The following CNOT9 variants were observed in gnomAD, a reference collection of about 807,000 sequenced individuals.
CNOT9 encodes the protein RCD1 required for cell differentiation1 homolog.
A neutral mutation model predicts 37.4 loss-of-function variants in CNOT9; 8 were observed. The observed-to-expected ratio is 0.21, with a 90% CI of 0.13 to 0.39. The LOEUF (loss-of-function observed/expected upper bound fraction) is 0.39. Ranked by LOEUF, CNOT9 falls within the 10% of genes least tolerant of loss-of-function variation. The pLI is 1.00. For synonymous variants in CNOT9, 120 were observed against 137.6 expected (o/e 0.87, Z 0.90); for missense variants, 154 against 365.3 (o/e 0.42, Z 4.71).
chr2:218,585,333 A>G (rs571555221), intron 4 of CNOT9, among the ~76,000 whole-genome samples: 219 of 152,274 alleles, frequency 1.4e-3, no homozygotes, highest in African/African-American at 5.1e-3. Context: ...TAATTCTCCC[A>G]TAACTCCAGG....
chr2:218,581,399 T>A (rs1192656698), intron 2 of CNOT9, among the ~76,000 whole-genome samples: 1 of 151,708 alleles, frequency 6.6e-6, no homozygotes, highest in East Asian at 1.9e-4. Flanking sequence ...CTTGAACTCC[T>A]GACCTCGTGA....
chr2:218,591,748 AAAAAAAGAAAAG>A (rs1694782962), intron 5 of CNOT9, among the ~76,000 whole-genome samples: 1 of 152,090 alleles, frequency 6.6e-6, no homozygotes, highest in African/African-American at 2.4e-5. Flanking sequence ...ATCTAAAAAA[AAAAAAAGAAAAG>A]AAAAAAGAAA....
intron 1 of CNOT9, among the ~76,000 whole-genome samples, chr2:218,570,068 G>A (rs1030521155): frequency 2.6e-5 from 4 of 152,066 alleles, no homozygotes; most frequent in Admixed American, 6.6e-5. Context: ...TGGTTTCCCC[G>A]GTGCCAGGAC....
At chr2:218,578,596 G>A (rs939353355) in intron 1 of CNOT9, among the ~76,000 whole-genome samples, 6 of 152,192 alleles carry the variant, frequency 3.9e-5, no homozygotes, top group Non-Finnish European at 8.8e-5. Context: ...GTTAAATTGA[G>A]TGAGTTAATT....
chr2:218,593,185 C>A, intron 7 of CNOT9: 1 of 238,774 alleles, frequency 4.2e-6, no homozygotes, highest in Non-Finnish European at 8.1e-6. Flanking sequence ...AGATATAATG[C>A]ATTTTAGAAA....
intron 1 of CNOT9, among the ~76,000 whole-genome samples, chr2:218,576,037 C>T (rs550948851): frequency 3.8e-4 from 58 of 152,284 alleles, no homozygotes; most frequent in African/African-American, 1.4e-3. Context: ...TTAATAACCA[C>T]CATGTTGTGA....
chr2:218,587,702 AC>A lies in CNOT9; in HGVS notation c.540+8del, dbSNP rs767138594. ...AAGTGAACTTTCTAAAACAGTATGT[AC>A]TTTTAACTTAGATTTTACATTGTGT... On this transcript the variant is annotated splice_region_variant and intron_variant, in intron 5 of 7. Coordinates refer to ENST00000273064, the MANE Select transcript of CNOT9 (RefSeq NM_005444.3). The A allele has an allele frequency of 6.7e-7, 1 of 1,498,004 alleles. No homozygotes were observed. Among genetic ancestry groups the A allele is most frequent in the African/African-American group, 1.4e-5 (1 of 72,186 alleles). The allele number at this position is 1,498,004 out of a possible 1,614,324, so 92.8% of individuals were successfully genotyped here.
chr2:218,571,498 T>C (rs944965689), intron 1 of CNOT9, among the ~76,000 whole-genome samples: 14 of 152,040 alleles, frequency 9.2e-5, no homozygotes, highest in African/African-American at 3.1e-4. Flanking sequence ...ATTAAGATAG[T>C]ATGGGAAGTA....
At chr2:218,576,360 G>T (rs1694167606) in intron 1 of CNOT9, among the ~76,000 whole-genome samples, 1 of 152,094 alleles carries the variant, frequency 6.6e-6, no homozygotes, top group African/African-American at 2.4e-5. Flanking sequence ...CTATATGTGT[G>T]TTACAAAATT....
intron 7 of CNOT9, chr2:218,593,888 TC>T (rs1694856453): frequency 9.3e-7 from 1 of 1,074,714 alleles, no homozygotes; most frequent in East Asian, 2.8e-5. Flanking sequence ...TTCATGAAAT[TC>T]TACATTGGGG....
At chr2:218,573,116 G>A (rs1251378210) in intron 1 of CNOT9, among the ~76,000 whole-genome samples, 2 of 151,942 alleles carry the variant, frequency 1.3e-5, no homozygotes, top group African/African-American at 2.4e-5. Flanking sequence ...TCAGGAGTTC[G>A]AGACCAGCCT....
chr2:218,585,566 G>T (rs1023618947), intron 4 of CNOT9, among the ~76,000 whole-genome samples: 8 of 108,986 alleles, frequency 7.3e-5, no homozygotes, highest in African/African-American at 2.2e-4. Flanking sequence ...GGGCGGCAGA[G>T]GGAGACTCAA....
chr2:218,585,638 A>ATTT (rs535660050), intron 4 of CNOT9, among the ~76,000 whole-genome samples: 112 of 41,890 alleles, frequency 2.7e-3, no homozygotes, highest in Non-Finnish European at 0.015. Flanking sequence ...TTTTTATTTT[A>ATTT]TTTTTTTTTT....
chr2:218,568,946 G>T lies in CNOT9; in HGVS notation c.-9G>T. 1.2e-6 allele frequency: 2 copies of T among 1,607,764 alleles called. No individual in the cohort carries two copies. The highest frequency in any genetic ancestry group is 1.7e-6 in the Non-Finnish European group (2 of 1,177,280). The stretch of plus-strand genomic sequence containing the variant: ...CCGGCTGTGGAAGAGAGCGGCGGCC[G>T]CTCACAACATGCACAGCCTGGCGAC... On this transcript the variant is annotated 5_prime_UTR_variant, in exon 1 of 8. Coordinates refer to ENST00000273064, the MANE Select transcript of CNOT9 (RefSeq NM_005444.3).
chr2:218,593,422 T>C, intron 7 of CNOT9: 1 of 616,056 alleles, frequency 1.6e-6, no homozygotes, highest in East Asian at 2.9e-5. Context: ...AGTTTAAAAA[T>C]GTGTTTATTT....
At chr2:218,591,754 A>AT in intron 5 of CNOT9, among the ~76,000 whole-genome samples, 1 of 151,918 alleles carries the variant, frequency 6.6e-6, no homozygotes, top group East Asian at 1.9e-4. Context: ...AAAAAAAAAA[A>AT]GAAAAGAAAA....
intron 4 of CNOT9, among the ~76,000 whole-genome samples, chr2:218,584,935 G>A (rs912858434): frequency 1.3e-5 from 2 of 152,132 alleles, no homozygotes; most frequent in East Asian, 3.8e-4. Flanking sequence ...TCCAACATTT[G>A]GGATTAAATT....
Position 218,595,378 on chromosome 2 carries a change from G to A in CNOT9, c.*1102G>A, listed in dbSNP as rs1694898611. The A allele has an allele frequency of 6.9e-6, 1 of 145,400 alleles. No homozygotes were observed. The highest frequency in any genetic ancestry group is 2.2e-4 in the South Asian group (1 of 4,560). The allele number at this position is 145,400 out of a possible 1,614,324, so 9.0% of individuals were successfully genotyped here. On this transcript the variant is annotated 3_prime_UTR_variant, in exon 8 of 8. Transcript: ENST00000273064. ...AGTTAATTTTATTCAGATTGAAGAT[G>A]GAGGGCTGGGTTCTGCTCACTCAGT... is the stretch of plus-strand genomic sequence containing the variant.
At chr2:218,576,003 G>A (rs1027341347) in intron 1 of CNOT9, among the ~76,000 whole-genome samples, 2 of 152,090 alleles carry the variant, frequency 1.3e-5, no homozygotes, top group Non-Finnish European at 2.9e-5. Context: ...GTCTGCCCAT[G>A]GTTTCATCGA....
Sources: allele counts gnomAD v4.1 joint callset (sites outside exome capture counted in the v4.1 genomes callset), GRCh38; gene constraint gnomAD v4.1.1; transcripts MANE v1.5; gene names NCBI Gene and HGNC (gene_info 2026-07-23, HGNC 2026-07-21).